The following ZFPM2 variants were observed in gnomAD, a reference collection of about 807,000 sequenced individuals.
The protein encoded by ZFPM2 is zinc finger protein, FOG family member 2, also known as zinc finger protein ZFPM2.
ZFPM2 carries 20 observed loss-of-function variants against 98.6 expected under a neutral mutation model. The observed-to-expected ratio is 0.20, with a 90% CI of 0.14 to 0.29. The LOEUF (loss-of-function observed/expected upper bound fraction) is 0.29. Among genes scored for constraint, ZFPM2 ranks in the 10% least tolerant of loss-of-function variants. The pLI is 1.00. For synonymous variants in ZFPM2, 518 were observed against 502.7 expected (o/e 1.03, Z -0.41); for missense variants, 1,310 against 1,388.6 (o/e 0.94, Z 0.90).
At chr8:105,631,799 T>C (rs1305945884) in intron 4 of ZFPM2, among the ~76,000 whole-genome samples, 1 of 152,228 alleles carries the variant, frequency 6.6e-6, no homozygotes, top group Non-Finnish European at 1.5e-5. Context: ...TCAATTGATT[T>C]ACTTTATACT....
intron 3 of ZFPM2, among the ~76,000 whole-genome samples, chr8:105,541,143 G>A (rs1267204835): frequency 6.6e-6 from 1 of 152,022 alleles, no homozygotes. Context: ...TCTTATTTTT[G>A]ATCTACCAAA....
intron 4 of ZFPM2, among the ~76,000 whole-genome samples, chr8:105,564,962 T>C (rs1296644948): frequency 6.6e-6 from 1 of 152,136 alleles, no homozygotes; most frequent in East Asian, 1.9e-4. Flanking sequence ...ATATATAGCC[T>C]ACTACCCCTT....
At chr8:105,575,685 A>G (rs1453530730) in intron 4 of ZFPM2, among the ~76,000 whole-genome samples, 1 of 152,218 alleles carries the variant, frequency 6.6e-6, no homozygotes, top group Non-Finnish European at 1.5e-5. Flanking sequence ...AAAGAAAAAA[A>G]ATATCCAAAC....
chr8:105,458,571 C>T (rs1171886721), intron 3 of ZFPM2, among the ~76,000 whole-genome samples: 1 of 152,072 alleles, frequency 6.6e-6, no homozygotes, highest in East Asian at 1.9e-4. Context: ...GACATGTTGC[C>T]ACTTACAGAA....
intron 5 of ZFPM2, among the ~76,000 whole-genome samples, chr8:105,746,245 C>T (rs977010528): frequency 3.3e-5 from 5 of 151,820 alleles, no homozygotes; most frequent in East Asian, 1.9e-4. Flanking sequence ...CAAATAGAGA[C>T]TGTTTGATCC....
intron 1 of ZFPM2, among the ~76,000 whole-genome samples, chr8:105,410,982 C>T (rs554854352): frequency 1.8e-4 from 28 of 151,856 alleles, no homozygotes; most frequent in African/African-American, 6.3e-4. Flanking sequence ...GGTGAGAGTA[C>T]ATTGAATAAC....
chr8:105,629,769 A>T (rs1339334502), intron 4 of ZFPM2, among the ~76,000 whole-genome samples: 1 of 152,132 alleles, frequency 6.6e-6, no homozygotes, highest in African/African-American at 2.4e-5. Flanking sequence ...GTTTTTAGAC[A>T]CCACTACATT....
intron 5 of ZFPM2, among the ~76,000 whole-genome samples, chr8:105,686,419 C>G (rs929048589): frequency 6.6e-6 from 1 of 151,946 alleles, no homozygotes. Context: ...TTTTTGGAGG[C>G]TCCATGTTGT....
rs761088788 is a variant in ZFPM2, at chr8:105,659,460, C to T, written c.532+25103C>T. ...GTGCTGGTTTTCTGGCCAGCCAAAGCGTCCACTGATATTAGAGGATGAGCA... is the reference window on the plus strand; with the variant it reads ...GTGCTGGTTTTCTGGCCAGCCAAAGTGTCCACTGATATTAGAGGATGAGCA... On this transcript the variant is annotated intron_variant, in intron 5 of 7. Transcript: ENST00000407775. 5.3e-5 allele frequency among the ~76,000 whole-genome samples: 8 copies of T among 152,186 alleles called. No homozygotes were observed. The East Asian group carries it at 1.2e-3, about 22-fold the overall frequency.
chr8:105,684,112 CAG>C (rs1395144378), intron 5 of ZFPM2, among the ~76,000 whole-genome samples: 7 of 152,146 alleles, frequency 4.6e-5, no homozygotes, highest in Admixed American at 3.3e-4. Flanking sequence ...TATTTACACT[CAG>C]GGAAGTATAT....
chr8:105,342,084 A>G (rs1315243358), intron 1 of ZFPM2, among the ~76,000 whole-genome samples: 1 of 152,048 alleles, frequency 6.6e-6, no homozygotes, highest in Non-Finnish European at 1.5e-5. Context: ...GTCTTCTCAG[A>G]TAGGAATAGA....
intron 3 of ZFPM2, among the ~76,000 whole-genome samples, chr8:105,481,462 C>T (rs1024625985): frequency 3.3e-5 from 5 of 152,082 alleles, no homozygotes; most frequent in East Asian, 1.9e-4. Flanking sequence ...CACGGAAAGA[C>T]GGGAGCTCTG....
chr8:105,622,227 A>G (rs1411021835), intron 4 of ZFPM2, among the ~76,000 whole-genome samples: 2 of 152,160 alleles, frequency 1.3e-5, no homozygotes, highest in Admixed American at 6.6e-5. Context: ...GGTATTTCCA[A>G]TCAGCAATTT....
intron 5 of ZFPM2, among the ~76,000 whole-genome samples, chr8:105,739,789 G>T (rs1308296204): frequency 7.9e-5 from 12 of 151,800 alleles, no homozygotes; most frequent in African/African-American, 2.9e-4. Flanking sequence ...GTCATCTTAG[G>T]AGTATTTCAA....
intron 1 of ZFPM2, among the ~76,000 whole-genome samples, chr8:105,394,736 C>T (rs1171953685): frequency 6.6e-6 from 1 of 152,170 alleles, no homozygotes; most frequent in East Asian, 1.9e-4. Flanking sequence ...GTCTCACAGA[C>T]AGTGAAGAAC....
Position 105,654,127 on chromosome 8 carries a change from G to A in ZFPM2, c.532+19770G>A, listed in dbSNP as rs1379799418. ...AAACAAAATGCTAAATAAGTACTTA[G>A]GGGAAACACAGGCCCCTTGACCCCT... On this transcript the variant is annotated intron_variant, in intron 5 of 7. Transcript: ENST00000407775. Among the ~76,000 whole-genome samples, 5 of 151,596 alleles carry A rather than the reference G, an allele frequency of 3.3e-5. No homozygotes were observed. The South Asian group carries it at 1.0e-3, about 32-fold the overall frequency.
intron 5 of ZFPM2, among the ~76,000 whole-genome samples, chr8:105,654,191 G>A (rs187166050): frequency 8.0e-5 from 12 of 149,932 alleles, no homozygotes; most frequent in Admixed American, 3.3e-4. Context: ...TCCTTCCTGC[G>A]AAGTAAAAGA....
intron 1 of ZFPM2, among the ~76,000 whole-genome samples, chr8:105,333,273 A>G (rs1812266802): frequency 6.6e-6 from 1 of 151,766 alleles, no homozygotes; most frequent in African/African-American, 2.4e-5. Context: ...GCTGATGGCT[A>G]AAACCATCAC....
intron 3 of ZFPM2, among the ~76,000 whole-genome samples, chr8:105,501,984 A>G (rs16873196): frequency 2.6e-5 from 4 of 151,974 alleles, no homozygotes; most frequent in African/African-American, 9.7e-5. Flanking sequence ...TTATGGAATT[A>G]TACATCAAAG....
Sources: gnomAD v4.1 joint callset for allele counts (sites outside exome capture counted in the v4.1 genomes callset) on GRCh38, gnomAD v4.1.1 for gene constraint, MANE v1.5 for transcripts, NCBI Gene and HGNC (gene_info 2026-07-23, HGNC 2026-07-21) for gene names.